BMP1: variants seen among roughly 807,000 people sequenced by gnomAD.
BMP1 encodes the protein mammalian tolloid protein.
A neutral mutation model predicts 116.8 loss-of-function variants in BMP1; 63 were observed. The observed-to-expected ratio is 0.54, with a 90% CI of 0.44 to 0.67. The LOEUF (loss-of-function observed/expected upper bound fraction) is 0.67. BMP1 is among the 30% of genes least tolerant of loss of function. The pLI is 0.00. For synonymous variants in BMP1, 536 were observed against 533.4 expected, an observed-to-expected ratio of 1.00 and a Z score of -0.07; for missense variants, 1,183 against 1,358.9, an observed-to-expected ratio of 0.87 and a Z score of 2.04.
Position 22,176,764 on chromosome 8 carries a change from C to T in BMP1, c.551+114C>T, listed in dbSNP as rs2131849258. On this transcript the variant is annotated intron_variant, in intron 4 of 19. Coordinates refer to ENST00000306385, the MANE Select transcript of BMP1 (RefSeq NM_006129.5). ...CAGCCTTGGGTCCCTTTATCCCCTC[C>T]TGCTATGGGGCATCTACCCAGGAAC... 6.7e-6 allele frequency: 8 copies of T among 1,196,580 alleles called. 1 individual carries two copies. The South Asian group carries it at 1.1e-4, about 16-fold the overall frequency. The allele number at this position is 1,196,580 out of a possible 1,614,324, so 74.1% of individuals were successfully genotyped here.
Position 22,194,148 on chromosome 8 carries a change from G to C in BMP1, c.1271G>C (p.Gly424Ala). 2 of 1,614,156 alleles carry C rather than the reference G, an allele frequency of 1.2e-6. No homozygotes were observed. Among genetic ancestry groups the C allele is most frequent in the Non-Finnish European group, 1.7e-6 (2 of 1,179,998 alleles). Residue 424 changes from glycine (G) to alanine (A), a missense_variant, in exon 10 of 20, where the codon GGA (glycine) becomes GCA (alanine). This residue lies in a region of BMP1 where 956 missense variants were observed against 1,135.2 expected (regional missense o/e 0.84). Coordinates refer to ENST00000306385, the MANE Select transcript of BMP1 (RefSeq NM_006129.5). This position sits in a 1 kb window ranked among gnomAD's most constrained non-coding sequence, Gnocchi z 4.5. ...TTCCGCAGCAGCAGCAATTGGGTTG[G>C]AAAGGGCTTCTTTGCAGTCTACGAA... is the stretch of plus-strand genomic sequence containing the variant. ...VEFRSSSNWV[G>A]KGFFAVYEAI...
rs1165528971 is a variant in BMP1 at position 22,202,038 on chromosome 8, T to A, written c.2233+110T>A. 4.9e-6 allele frequency: 7 copies of A among 1,433,224 alleles called. No individual in the cohort carries two copies. In the Admixed American group the frequency reaches 1.5e-4, roughly 31 times the overall value. 88.8% of individuals were successfully genotyped at this position (1,433,224 alleles called of 1,614,324 possible). A position where few individuals can be genotyped will look rare whatever the true frequency, so the allele number is the denominator to read the frequency against. On this transcript the variant is annotated intron_variant, in intron 16 of 19. Transcript: ENST00000306385. ...CGTTTAGATTCTGGGGCCTGTATGA[T>A]CTCTAAGGCCCCCTCATTCCCCCAC...
At chr8:22,209,010 G>C (rs1829413993) in intron 18 of BMP1, among the ~76,000 whole-genome samples, 1 of 152,226 alleles carries the variant, frequency 6.6e-6, no homozygotes, top group Non-Finnish European at 1.5e-5. Flanking sequence ...GGCCCACACT[G>C]TGTTTTTTTT....
rs1046987245 is a variant in BMP1, at chr8:22,212,045, C to A, written c.*317C>A. Reference sequence around the variant, plus strand: ...AATGTCAGCAGGACCCCATCGCCATCCCTGTGTCTCTACACGCTGTATTGT... The same window carrying A: ...AATGTCAGCAGGACCCCATCGCCATACCTGTGTCTCTACACGCTGTATTGT... On this transcript the variant is annotated 3_prime_UTR_variant, in exon 20 of 20. Transcript: ENST00000306385. 1.5e-5 allele frequency: 6 copies of A among 410,036 alleles called. No homozygotes were observed. Among genetic ancestry groups the A allele is most frequent in the African/African-American group, 1.2e-4 (6 of 50,050 alleles). 25.4% of individuals were successfully genotyped at this position (410,036 alleles called of 1,614,324 possible).
chr8:22,191,603 A>AAAAC (rs759082667), intron 8 of BMP1, among the ~76,000 whole-genome samples: 7 of 152,154 alleles, frequency 4.6e-5, no homozygotes, highest in African/African-American at 7.2e-5. Flanking sequence ...ACCCTGACTC[A>AAAAC]AAACAAACAA....
chr8:22,200,297 T>G (rs558624234), intron 15 of BMP1, among the ~76,000 whole-genome samples: 1 of 152,342 alleles, frequency 6.6e-6, no homozygotes, highest in Admixed American at 6.5e-5. Flanking sequence ...GTGAGCCATC[T>G]GCTGATGAGC....
intron 14 of BMP1, 109 bp downstream of exon 14, chr8:22,196,949 C>A: frequency 7.3e-7 from 1 of 1,376,142 alleles, no homozygotes; most frequent in Non-Finnish European, 9.7e-7. Context: ...AAACACTCTG[C>A]AAATATCGAG....
In BMP1 at chr8:22,194,730, C is replaced by T. The variant is rs760413911; in HGVS notation, c.1450C>T (p.Arg484Cys). The change falls in exon 12 of 20, where the codon CGC becomes TGC. Residue 484 changes from arginine (R) to cysteine (C), a missense_variant. Physicochemically the swap from Arg to Cys is radical, Grantham distance 180. Around this residue, in one of 4 missense-constraint regions of BMP1, gnomAD observed 956 missense variants for 1,135.2 expected, o/e 0.84. Coordinates refer to ENST00000306385, the MANE Select transcript of BMP1 (RefSeq NM_006129.5). The surrounding 1 kb of genome is among the most constrained non-coding windows in gnomAD (Gnocchi z 4.5). Reference protein sequence around the residue: ...GLTFQSFEIERHDSCAYDYLE... With the variant: ...GLTFQSFEIECHDSCAYDYLE... ...ATGAAGCCTCGACCCCTAGATTGAGCGCCACGACAGCTGTGCCTACGACTA... is the reference window on the plus strand; with the variant it reads ...ATGAAGCCTCGACCCCTAGATTGAGTGCCACGACAGCTGTGCCTACGACTA... 7.5e-6 allele frequency: 12 copies of T among 1,602,810 alleles called. No individual in the cohort carries two copies. Among genetic ancestry groups the T allele is most frequent in the African/African-American group, 2.7e-5 (2 of 74,556 alleles).
intron 16 of BMP1, among the ~76,000 whole-genome samples, chr8:22,202,393 C>A (rs1245418646): frequency 6.6e-6 from 1 of 152,172 alleles, no homozygotes; most frequent in Admixed American, 6.5e-5. Context: ...ATAATAGTAC[C>A]CACCTCAGAG....
chr8:22,185,374 CA>C (rs1828737907), intron 8 of BMP1, among the ~76,000 whole-genome samples: 1 of 151,846 alleles, frequency 6.6e-6, no homozygotes, highest in African/African-American at 2.4e-5. Context: ...ATCGCTCGCT[CA>C]AACCCGGGAG....
intron 1 of BMP1, among the ~76,000 whole-genome samples, chr8:22,167,998 G>A (rs1395080146): frequency 6.6e-6 from 1 of 152,142 alleles, no homozygotes; most frequent in Non-Finnish European, 1.5e-5. Context: ...TGCTGTCTCT[G>A]CTTCTTTTCA....
intron 8 of BMP1, among the ~76,000 whole-genome samples, chr8:22,185,281 G>C (rs1214033963): frequency 6.6e-6 from 1 of 151,994 alleles, no homozygotes; most frequent in South Asian, 2.1e-4. Context: ...GTGAAACCCT[G>C]TTTCTACTAA....
rs184654972 is a variant in BMP1, at chr8:22,167,659, G to C, written c.148+2106G>C. The stretch of plus-strand genomic sequence containing the variant: ...TGGAGCTTCAAGTAAGGGCTCTGGA[G>C]AAAGCACTCCAACTGGGTGAAGTGA... On this transcript the variant is annotated intron_variant, in intron 1 of 19. Coordinates refer to ENST00000306385, the MANE Select transcript of BMP1 (RefSeq NM_006129.5). Among the ~76,000 whole-genome samples, 24 of 152,324 alleles carry C rather than the reference G, an allele frequency of 1.6e-4. No individual in the cohort carries two copies. The East Asian group carries it at 4.4e-3, about 28-fold the overall frequency.
intron 18 of BMP1, among the ~76,000 whole-genome samples, chr8:22,208,008 C>T (rs1231155029): frequency 2.6e-5 from 4 of 152,096 alleles, no homozygotes; most frequent in Admixed American, 6.6e-5. Context: ...CTCAGCCTCC[C>T]GTGTAGCTGG....
Position 22,194,665 on chromosome 8 carries a change from C to T in BMP1, c.1444-59C>T. 3 of 1,596,730 alleles carry T rather than the reference C, an allele frequency of 1.9e-6. No homozygotes were observed. Among genetic ancestry groups the T allele is most frequent in the Non-Finnish European group, 1.7e-6 (2 of 1,169,692 alleles). ...TGGGACAGCTGCCTCTCTTTGGGCT[C>T]CCAGGGGTGGGTCTCTGGCAGCCAG... On this transcript the variant is annotated intron_variant, in intron 11 of 19. Transcript: ENST00000306385. This position sits in a 1 kb window ranked among gnomAD's most constrained non-coding sequence, Gnocchi z 4.5.
At position 22,195,533 on chromosome 8, in the gene BMP1, A is replaced by G; in HGVS notation, c.1711A>G (p.Lys571Glu). The G allele has an allele frequency of 6.2e-7, 1 of 1,612,640 alleles. No homozygotes were observed. The highest frequency in any genetic ancestry group is 1.1e-5 in the South Asian group (1 of 91,014). The change falls in exon 13 of 20, where the codon AAG becomes GAG. Residue 571 changes from lysine to glutamate, a missense_variant. By Grantham distance (56) the Lys-to-Glu change is moderately conservative. Transcript: ENST00000306385. ...GTGCCTCAACACCCTGGGCAGCTACAAGTGCAGCTGTGACCCCGGGTACGA... is the reference window on the plus strand; with the variant it reads ...GTGCCTCAACACCCTGGGCAGCTACGAGTGCAGCTGTGACCCCGGGTACGA... Reference protein sequence around the residue: ...QRCLNTLGSYKCSCDPGYELA... With the variant: ...QRCLNTLGSYECSCDPGYELA...
At chr8:22,178,855 T>A (rs1231121739) in intron 6 of BMP1, among the ~76,000 whole-genome samples, 1 of 152,152 alleles carries the variant, frequency 6.6e-6, no homozygotes, top group Non-Finnish European at 1.5e-5. Context: ...CCTCTGTCTG[T>A]GTCCCAGACA....
intron 6 of BMP1, among the ~76,000 whole-genome samples, chr8:22,178,506 G>A (rs1364083047): frequency 6.6e-6 from 1 of 152,090 alleles, no homozygotes; most frequent in Non-Finnish European, 1.5e-5. Flanking sequence ...GAACTCCTGG[G>A]CTGAAGGGAT....
chr8:22,197,453 C>T, intron 15 of BMP1, 33 bp downstream of exon 15: 1 of 1,577,690 alleles, frequency 6.3e-7, no homozygotes, highest in Non-Finnish European at 8.7e-7. Flanking sequence ...CTAGCCCCAC[C>T]TCTCCTCGGA....
Sources: gnomAD v4.1 joint callset for allele counts (sites outside exome capture counted in the v4.1 genomes callset) on GRCh38, gnomAD v4.1.1 for gene constraint, gnomAD v4.1.1 regional missense constraint, Gnocchi (gnomAD v3.1) non-coding constraint, MANE v1.5 for transcripts, NCBI Gene and HGNC (gene_info 2026-07-23, HGNC 2026-07-21) for gene names.